MAMDC2: variants seen among roughly 807,000 people sequenced by gnomAD.
The protein encoded by MAMDC2 is MAM domain-containing protein 2.
In MAMDC2, 57 loss-of-function variants were observed where a neutral mutation model predicts 89.8. The observed-to-expected ratio is 0.63, with a 90% CI of 0.51 to 0.79. MAMDC2 has a LOEUF of 0.79. MAMDC2 is among the 30% of genes least tolerant of loss of function. MAMDC2 has a pLI of 0.00. For synonymous variants in MAMDC2, 313 were observed against 293.4 expected (o/e 1.07, Z -0.68); for missense variants, 800 against 820.6 (o/e 0.97, Z 0.31).
intron 9 of MAMDC2, among the ~76,000 whole-genome samples, chr9:70,158,910 C>G (rs1379997026): frequency 6.6e-6 from 1 of 151,970 alleles, no homozygotes. Flanking sequence ...TCTAAAGAGA[C>G]AGAAGTACAG....
At chr9:70,072,350 G>T (rs965779780) in intron 2 of MAMDC2, among the ~76,000 whole-genome samples, 4 of 152,176 alleles carry the variant, frequency 2.6e-5, no homozygotes, top group Non-Finnish European at 5.9e-5. Flanking sequence ...TTTCCAATGA[G>T]TACATTCCTG....
At chr9:70,074,098 G>T (rs746941011) in intron 2 of MAMDC2, among the ~76,000 whole-genome samples, 3 of 152,158 alleles carry the variant, frequency 2.0e-5, no homozygotes, top group Non-Finnish European at 4.4e-5. Context: ...GCCCTTAATA[G>T]CTTTAAATGA....
chr9:70,101,785 T>C (rs887443145), intron 2 of MAMDC2, among the ~76,000 whole-genome samples: 7 of 152,196 alleles, frequency 4.6e-5, no homozygotes, highest in African/African-American at 1.4e-4. Context: ...CTTCATCGTT[T>C]AGTGATGCAT....
intron 2 of MAMDC2, among the ~76,000 whole-genome samples, chr9:70,101,333 G>A (rs1275735305): frequency 6.7e-6 from 1 of 149,506 alleles, no homozygotes; most frequent in African/African-American, 2.4e-5. Flanking sequence ...TATAGTAAAC[G>A]AAGGTTAATT....
chr9:70,120,055 A>G (rs1049548356), intron 5 of MAMDC2, among the ~76,000 whole-genome samples: 8 of 152,214 alleles, frequency 5.3e-5, no homozygotes, highest in Non-Finnish European at 2.9e-5. Context: ...TAATGGAATT[A>G]CCGCACTGGT....
intron 5 of MAMDC2, among the ~76,000 whole-genome samples, chr9:70,123,699 A>G (rs2030392665): frequency 6.6e-6 from 1 of 152,152 alleles, no homozygotes; most frequent in African/African-American, 2.4e-5. Flanking sequence ...CTCCAATCCA[A>G]TATGACCGCA....
chr9:70,165,251 A>T (rs2032135398), intron 9 of MAMDC2, among the ~76,000 whole-genome samples: 1 of 152,142 alleles, frequency 6.6e-6, no homozygotes, highest in African/African-American at 2.4e-5. Flanking sequence ...AACCAGGCCC[A>T]CTCATCCGCT....
chr9:70,049,157 G>C (rs1826829882), intron 2 of MAMDC2, among the ~76,000 whole-genome samples: 1 of 152,070 alleles, frequency 6.6e-6, no homozygotes, highest in Non-Finnish European at 1.5e-5. Context: ...GTACCCAGGA[G>C]TGAGTGATAG....
chr9:70,059,522 C>G (rs1477466114), intron 2 of MAMDC2, among the ~76,000 whole-genome samples: 1 of 152,116 alleles, frequency 6.6e-6, no homozygotes, highest in Non-Finnish European at 1.5e-5. Context: ...GCTCTTGGTT[C>G]TTTATGACTT....
chr9:70,163,720 G>A (rs978166463), intron 9 of MAMDC2, among the ~76,000 whole-genome samples: 20 of 152,004 alleles, frequency 1.3e-4, no homozygotes, highest in Non-Finnish European at 2.1e-4. Flanking sequence ...CTGGGAGGCT[G>A]AGGCAGGCAG....
chr9:70,208,835 C>T (rs979415042), intron 11 of MAMDC2, among the ~76,000 whole-genome samples: 6 of 152,128 alleles, frequency 3.9e-5, no homozygotes, highest in African/African-American at 7.2e-5. Flanking sequence ...GAATTTTTAG[C>T]ATGAAGGGCT....
intron 11 of MAMDC2, among the ~76,000 whole-genome samples, chr9:70,212,887 T>TAGAG (rs1012483468): frequency 2.0e-5 from 3 of 152,152 alleles, no homozygotes; most frequent in African/African-American, 4.8e-5. Flanking sequence ...GTCACATCTG[T>TAGAG]AGAGATGTGT....
intron 7 of MAMDC2, among the ~76,000 whole-genome samples, chr9:70,134,674 G>A (rs4744982): frequency 0.84 from 128,383 of 152,138 alleles, 54,254 homozygotes; most frequent in Admixed American, 0.89. Context: ...CCTCCTGTCT[G>A]TTTGGAAACC....
At position 70,115,394 on chromosome 9, in the gene MAMDC2, G is replaced by A. The variant is rs150254761; in HGVS notation, c.643+2262G>A. ...TTTTGAGACAGAGTCTTGCTCTGTT[G>A]CACAGGCTGGAGTGCAGTGGTGCAA... On this transcript the variant is annotated intron_variant, in intron 5 of 13. Coordinates refer to ENST00000377182, the MANE Select transcript of MAMDC2 (RefSeq NM_153267.5). Among the ~76,000 whole-genome samples, 1,228 of 150,468 alleles carry A rather than the reference G, an allele frequency of 8.2e-3. 22 individuals carry two copies. Among genetic ancestry groups the A allele is most frequent in the African/African-American group, 0.029 (1,184 of 40,890 alleles).
intron 2 of MAMDC2, among the ~76,000 whole-genome samples, chr9:70,067,331 T>G (rs999033317): frequency 6.6e-6 from 1 of 152,150 alleles, no homozygotes; most frequent in Non-Finnish European, 1.5e-5. Context: ...AAGAGGGATC[T>G]GCAGCACAGC....
intron 9 of MAMDC2, among the ~76,000 whole-genome samples, chr9:70,154,722 G>A (rs568464118): frequency 1.3e-5 from 2 of 151,420 alleles, no homozygotes; most frequent in South Asian, 2.1e-4. Flanking sequence ...TAAGTAGCTC[G>A]GGCTGGTCTG....
intron 11 of MAMDC2, among the ~76,000 whole-genome samples, chr9:70,213,313 A>G (rs1381083825): frequency 6.6e-6 from 1 of 152,192 alleles, no homozygotes; most frequent in African/African-American, 2.4e-5. Context: ...CCCCTCATTG[A>G]GAATTTCATC....
chr9:70,079,262 A>G (rs994514260), intron 2 of MAMDC2: 1 of 152,168 alleles, frequency 6.6e-6, no homozygotes, highest in African/African-American at 2.4e-5. Context: ...TTATTAGCAG[A>G]GCTCCCAAAA....
At chr9:70,088,657 A>T (rs1446262191) in intron 2 of MAMDC2, 2 of 151,096 alleles carry the variant, frequency 1.3e-5, no homozygotes, top group African/African-American at 4.9e-5. Flanking sequence ...TAAACATACT[A>T]GATTCACCAG....
Sources: allele counts gnomAD v4.1 joint callset (sites outside exome capture counted in the v4.1 genomes callset), GRCh38; gene constraint gnomAD v4.1.1; transcripts MANE v1.5; gene names NCBI Gene and HGNC (gene_info 2026-07-23, HGNC 2026-07-21).